The following KIF1C variants were observed in gnomAD, a reference collection of about 807,000 sequenced individuals.
KIF1C encodes the protein kinesin family member 1C, also known as kinesin-like protein KIF1C.
A neutral mutation model predicts 126.5 loss-of-function variants in KIF1C; 61 were observed. The observed-to-expected ratio is 0.48, with a 90% CI of 0.39 to 0.60. The LOEUF (loss-of-function observed/expected upper bound fraction) is 0.60. Among genes scored for constraint, KIF1C ranks in the 20% least tolerant of loss-of-function variants. KIF1C has a pLI of 0.00. For synonymous variants in KIF1C, 640 were observed against 580.6 expected (o/e 1.10, Z -1.47); for missense variants, 1,315 against 1,489.2 (o/e 0.88, Z 1.93).
In KIF1C at chr17:5,024,886, C is replaced by A. The variant is rs1975180798; in HGVS notation, c.*735C>A. On this transcript the variant is annotated 3_prime_UTR_variant, in exon 23 of 23. Coordinates refer to ENST00000320785, the MANE Select transcript of KIF1C (RefSeq NM_006612.6). ...AACTTCACCCTCCTGTCTCTTCCTT[C>A]AGGGTGCGCAGCCCGATCTTTTCCC... 6.6e-6 allele frequency: 1 copy of A among 151,720 alleles called. No individual in the cohort carries two copies. Among genetic ancestry groups the A allele is most frequent in the Non-Finnish European group, 1.5e-5 (1 of 68,064 alleles). 9.4% of individuals were successfully genotyped at this position (151,720 alleles called of 1,614,324 possible).
intron 16 of KIF1C, among the ~76,000 whole-genome samples, 188 bp downstream of exon 16, chr17:5,007,730 C>T (rs1298671350): frequency 6.6e-6 from 1 of 152,166 alleles, no homozygotes; most frequent in Non-Finnish European, 1.5e-5. Flanking sequence ...TGCCTTCTCC[C>T]TTCAGCCATT....
At chr17:5,001,169 G>A (rs1430202538) in intron 4 of KIF1C, 53 bp from the exon 5 acceptor site, 16 of 1,569,744 alleles carry the variant, frequency 1.0e-5, no homozygotes, top group Admixed American at 1.7e-5. Context: ...GAGACACAAA[G>A]GATAAAGACA....
chr17:5,015,555 A>C (rs9895331), intron 18 of KIF1C, among the ~76,000 whole-genome samples: 1 of 129,508 alleles, frequency 7.7e-6, no homozygotes, highest in Non-Finnish European at 1.6e-5. Context: ...AAGTGCTGGG[A>C]TTACAGGCGT....
chr17:5,000,121 G>C lies in KIF1C; in HGVS notation c.-27-99G>C, dbSNP rs546648843. 7.4e-6 allele frequency: 5 copies of C among 671,538 alleles called. No individual in the cohort carries two copies. In the East Asian group the frequency reaches 1.4e-4, roughly 18 times the overall value. 41.6% of individuals were successfully genotyped at this position (671,538 alleles called of 1,614,324 possible). On this transcript the variant is annotated intron_variant, in intron 2 of 22. Coordinates refer to ENST00000320785, the MANE Select transcript of KIF1C (RefSeq NM_006612.6). ...GTCCTTGAGAGGCTGGGTGGCTCTGGGGGAGATGTGAAGAGACTGGTTCCG... is the reference window on the plus strand; with the variant it reads ...GTCCTTGAGAGGCTGGGTGGCTCTGCGGGAGATGTGAAGAGACTGGTTCCG...
At position 4,997,966 on chromosome 17, in the gene KIF1C, GC is replaced by G. The variant is rs956488855; in HGVS notation, c.-338del. 1 of 147,810 alleles carries G rather than the reference GC, an allele frequency of 6.8e-6. No homozygotes were observed. Among genetic ancestry groups the G allele is most frequent in the Non-Finnish European group, 1.5e-5 (1 of 66,422 alleles). The allele number at this position is 147,810 out of a possible 1,614,324, so 9.2% of individuals were successfully genotyped here. On this transcript the variant is annotated 5_prime_UTR_variant, in exon 1 of 23. Transcript: ENST00000320785. ...TCCCGCCCCAGCTCGCGCTGCCCGGGCGGGCGCCGGCCGCTGGCGCCGCTAC... is the reference window on the plus strand; with the variant it reads ...TCCCGCCCCAGCTCGCGCTGCCCGGGGGGCGCCGGCCGCTGGCGCCGCTAC...
At chr17:5,000,596 G>C (rs1482797503) in intron 3 of KIF1C, among the ~76,000 whole-genome samples, 176 bp from the exon 4 acceptor site, 3 of 152,042 alleles carry the variant, frequency 2.0e-5, no homozygotes, top group Admixed American at 6.5e-5. Context: ...GCGGGTCCTA[G>C]GAAGCCAAAA....
intron 6 of KIF1C, 91 bp from the exon 7 acceptor site, chr17:5,002,373 T>A (rs533492203): frequency 3.3e-5 from 41 of 1,256,884 alleles, no homozygotes; most frequent in Admixed American, 2.0e-4. Flanking sequence ...TTAGCTGCAG[T>A]CACCTGGATC....
In KIF1C at chr17:4,998,095, C is replaced by T. The variant is rs1293136751; in HGVS notation, c.-210C>T. 3 of 152,058 alleles carry T rather than the reference C, an allele frequency of 2.0e-5. No homozygotes were observed. The East Asian group carries it at 5.8e-4, about 30-fold the overall frequency. 9.4% of individuals were successfully genotyped at this position (152,058 alleles called of 1,614,324 possible). ...CCCCAGATCCTTCCCGCTTCCGCCT[C>T]ACGCTTCCCGGAAAGCTTGTCCCTC... On this transcript the variant is annotated 5_prime_UTR_variant, in exon 1 of 23. Transcript: ENST00000320785.
rs8065871 is a variant in KIF1C at position 5,003,415 on chromosome 17, G to A, written c.721-197G>A. Among the ~76,000 whole-genome samples, 3,641 of 152,202 alleles carry A rather than the reference G, an allele frequency of 0.024. 136 individuals carry two copies. Among genetic ancestry groups the A allele is most frequent in the African/African-American group, 0.083 (3,455 of 41,520 alleles). ...CCTTGTCCATGCCTGCGGTGGGCCT[G>A]TAGCTATTTGTAATTGAGTGAGTAA... On this transcript the variant is annotated intron_variant, in intron 8 of 22. Transcript: ENST00000320785.
At position 5,023,482 on chromosome 17, in the gene KIF1C, G is replaced by C; in HGVS notation, c.2643G>C (p.Glu881Asp). ...CTCCCTCCCAGGATCATGAGGATGA[G>C]AATGAAGAAGGTGGTGAGGTCCCCT... is the stretch of plus-strand genomic sequence containing the variant. ...VIPLAQDHEDENEEGGEVPWA... is the reference protein window; with the variant it reads ...VIPLAQDHEDDNEEGGEVPWA... Residue 881 changes from glutamate (E) to aspartate (D), a missense_variant, in exon 23 of 23, where the codon GAG becomes GAC. Transcript: ENST00000320785. The surrounding 1 kb of genome is among the most constrained non-coding windows in gnomAD (Gnocchi z 4.2). 1 of 1,614,004 alleles carries C rather than the reference G, an allele frequency of 6.2e-7. No individual in the cohort carries two copies. The highest frequency in any genetic ancestry group is 8.5e-7 in the Non-Finnish European group (1 of 1,179,928).
rs1446033901 is a variant in KIF1C at position 5,022,860 on chromosome 17, A to G, written c.2628+151A>G. ...TTTTTCAATATTGTTTACGAACCAC[A>G]TGCCTCGCTGTCACCAGGCTGCTAA... On this transcript the variant is annotated intron_variant, in intron 22 of 22. Transcript: ENST00000320785. The surrounding 1 kb of genome is among the most constrained non-coding windows in gnomAD (Gnocchi z 4.9). 6 of 1,143,052 alleles carry G rather than the reference A, an allele frequency of 5.2e-6. No homozygotes were observed. The highest frequency in any genetic ancestry group is 1.6e-5 in the African/African-American group (1 of 63,402). 70.8% of individuals were successfully genotyped at this position (1,143,052 alleles called of 1,614,324 possible). A position where few individuals can be genotyped will look rare whatever the true frequency, so the allele number is the denominator to read the frequency against.
intron 3 of KIF1C, 131 bp downstream of exon 3, chr17:5,000,483 G>T (rs1032655832): frequency 2.8e-6 from 2 of 711,030 alleles, no homozygotes; most frequent in African/African-American, 3.5e-5. Context: ...CGTAAGGGCG[G>T]GGGCTGGGGC....
Position 5,023,240 on chromosome 17 carries a change from T to C in KIF1C, c.2629-228T>C, listed in dbSNP as rs1437044119. ...TTCACCATGTTGGCCAGGATGGTCT[T>C]GATCTCTTGACCTTGTGATCCGCCC... is the stretch of plus-strand genomic sequence containing the variant. On this transcript the variant is annotated intron_variant, in intron 22 of 22. Coordinates refer to ENST00000320785, the MANE Select transcript of KIF1C (RefSeq NM_006612.6). The surrounding 1 kb of genome is among the most constrained non-coding windows in gnomAD (Gnocchi z 4.2). Among the ~76,000 whole-genome samples the C allele has an allele frequency of 6.6e-6, 1 of 152,092 alleles. No homozygotes were observed. Among genetic ancestry groups the C allele is most frequent in the East Asian group, 1.9e-4 (1 of 5,196 alleles).
intron 16 of KIF1C, among the ~76,000 whole-genome samples, chr17:5,008,749 T>G (rs1174374130): frequency 6.6e-6 from 1 of 152,276 alleles, no homozygotes. Flanking sequence ...CTGGGTACCC[T>G]GGGGCTTTGG....
chr17:5,022,596 A>G lies in KIF1C; in HGVS notation c.2515A>G (p.Lys839Glu). 1.2e-6 allele frequency: 2 copies of G among 1,605,164 alleles called. No homozygotes were observed. The highest frequency in any genetic ancestry group is 1.7e-6 in the Non-Finnish European group (2 of 1,175,566). The change falls in exon 22 of 23, where the codon AAG becomes GAG. Residue 839 changes from lysine (K) to glutamate (E), a missense_variant. Coordinates refer to ENST00000320785, the MANE Select transcript of KIF1C (RefSeq NM_006612.6). The surrounding 1 kb of genome is among the most constrained non-coding windows in gnomAD (Gnocchi z 4.9). ...EVEDLRAHID[K>E]LTGILQEVKL... ...GGAGGACCTCCGGGCCCACATCGAC[A>G]AGCTGACGGGGATTCTGCAGGAGGT...
In KIF1C at chr17:5,020,536, C is replaced by A; in HGVS notation, c.1795C>A (p.His599Asn). The A allele has an allele frequency of 6.2e-6, 10 of 1,614,140 alleles. No homozygotes were observed. Among genetic ancestry groups the A allele is most frequent in the Non-Finnish European group, 7.6e-6 (9 of 1,179,966 alleles). The change falls in exon 20 of 23, where the codon CAC (histidine) becomes AAC (asparagine). Residue 599 changes from histidine to asparagine, a missense_variant. Coordinates refer to ENST00000320785, the MANE Select transcript of KIF1C (RefSeq NM_006612.6). The surrounding 1 kb of genome is among the most constrained non-coding windows in gnomAD (Gnocchi z 5.8). ...CAAGAACCACGTTTTCCGCTTCAAC[C>A]ACCCGGAGCAGGCAAGGCTGGAACG... ...MGKNHVFRFN[H>N]PEQARLERER... is the part of the protein sequence containing the mutation.
At chr17:5,019,875 C>T (rs1567727397) in intron 18 of KIF1C, 121 bp from the exon 19 acceptor site, 1 of 719,754 alleles carries the variant, frequency 1.4e-6, no homozygotes, top group Non-Finnish European at 2.5e-6. Context: ...CCTACAGGTA[C>T]TGGGGGTGGG....
intron 16 of KIF1C, among the ~76,000 whole-genome samples, chr17:5,008,701 C>T (rs186236099): frequency 1.3e-3 from 196 of 152,328 alleles, no homozygotes; most frequent in Non-Finnish European, 1.7e-3. Context: ...GAGCTGTGGG[C>T]GGTAGGCCAG....
chr17:5,021,205 T>A (rs865832783), intron 21 of KIF1C, among the ~76,000 whole-genome samples: 26 of 129,816 alleles, frequency 2.0e-4, no homozygotes, highest in Non-Finnish European at 3.3e-4. Context: ...AGATGGAGTC[T>A]CCTGTCACCC....
Sources: gnomAD v4.1 joint callset for allele counts (sites outside exome capture counted in the v4.1 genomes callset) on GRCh38, gnomAD v4.1.1 for gene constraint, Gnocchi (gnomAD v3.1) non-coding constraint, MANE v1.5 for transcripts, NCBI Gene and HGNC (gene_info 2026-07-23, HGNC 2026-07-21) for gene names.